Variants in EARS2 observed in about 807,000 individuals in gnomAD.
EARS2 encodes nondiscriminating glutamyl-tRNA synthetase EARS2, mitochondrial.
A neutral mutation model predicts 54.1 loss-of-function variants in EARS2; 50 were observed. The observed-to-expected ratio is 0.92, with a 90% confidence interval of 0.74 to 1.17. The LOEUF (loss-of-function observed/expected upper bound fraction) is 1.17. Ranked by LOEUF, EARS2 falls within the 50% of genes most tolerant of loss-of-function variation. The pLI is 0.00. For missense variants in EARS2, 673 were observed against 675.0 expected (o/e 1.00, Z 0.03); for synonymous variants, 298 against 281.0 (o/e 1.06, Z -0.61).
chr16:23,550,331 C>T (rs997676612), intron 2 of EARS2, among the ~76,000 whole-genome samples: 10 of 149,668 alleles, frequency 6.7e-5, no homozygotes, highest in Admixed American at 2.7e-4. Flanking sequence ...TGAACCACTG[C>T]GCTCTAGCCT....
rs1305423222 is a variant in EARS2 at position 23,524,202 on chromosome 16, G to A, written c.*169C>T. On this transcript the variant is annotated 3_prime_UTR_variant, in exon 9 of 9. Transcript: ENST00000449606. The stretch of plus-strand genomic sequence containing the variant: ...GCTTCCCCAGCCAATTGACAAAAAC[G>A]TGCCTGTGGTGGATCACAAATGCAC... The A allele has an allele frequency of 1.2e-5, 8 of 667,566 alleles. No individual in the cohort carries two copies. Among genetic ancestry groups the A allele is most frequent in the East Asian group, 2.6e-5 (1 of 39,094 alleles). 41.4% of individuals were successfully genotyped at this position (667,566 alleles called of 1,614,324 possible). A position where few individuals can be genotyped will look rare whatever the true frequency, so the allele number is the denominator to read the frequency against.
At chr16:23,556,034 A>G (rs959361990) in intron 1 of EARS2, among the ~76,000 whole-genome samples, 5 of 152,194 alleles carry the variant, frequency 3.3e-5, no homozygotes, top group Admixed American at 1.3e-4. Context: ...TACACAATTG[A>G]TTGGAAATTT....
chr16:23,548,747 C>T (rs1567389398), intron 2 of EARS2, among the ~76,000 whole-genome samples: 1 of 152,166 alleles, frequency 6.6e-6, no homozygotes, highest in African/African-American at 2.4e-5. Flanking sequence ...ACTGTCAAGT[C>T]AGGATAGAGT....
At chr16:23,524,538 T>A (rs1965192303) in intron 8 of EARS2, 84 bp from the exon 9 acceptor site, 1 of 1,232,220 alleles carries the variant, frequency 8.1e-7, no homozygotes, top group Admixed American at 1.7e-5. Context: ...CAGAAATTAT[T>A]CCCAGGCCAG....
chr16:23,556,204 T>C (rs907990576), intron 1 of EARS2, among the ~76,000 whole-genome samples: 2 of 151,830 alleles, frequency 1.3e-5, no homozygotes, highest in South Asian at 2.1e-4. Flanking sequence ...GTAGAGAACG[T>C]AGAAGGTAGC....
Position 23,544,549 on chromosome 16 carries a change from C to T in EARS2, c.450G>A (p.Leu150=), listed in dbSNP as rs776190234. The T allele has an allele frequency of 6.2e-7, 1 of 1,614,094 alleles. No homozygotes were observed. The highest frequency in any genetic ancestry group is 8.5e-7 in the Non-Finnish European group (1 of 1,179,980). ...CFCSPQRLEL[L]KKEALRNHQT... ...GGTGGTTCCGCAAGGCCTCCTTCTTCAGGAGCTCCAGCCGCTGGGGTGAGC... is the reference window on the plus strand; with the variant it reads ...GGTGGTTCCGCAAGGCCTCCTTCTTTAGGAGCTCCAGCCGCTGGGGTGAGC... Residue 150 remains leucine, a synonymous_variant, in exon 3 of 9, where the codon CTG becomes CTA. Transcript: ENST00000449606.
At chr16:23,533,946 C>T (rs899217197) in intron 4 of EARS2, among the ~76,000 whole-genome samples, 2 of 151,840 alleles carry the variant, frequency 1.3e-5, no homozygotes, top group Admixed American at 6.6e-5. Flanking sequence ...ATCCCAGGTA[C>T]TCGGGAGGCT....
At position 23,529,881 on chromosome 16, in the gene EARS2, G is replaced by C. The variant is rs533801104; in HGVS notation, c.1084C>G (p.Leu362Val). 2 of 1,614,114 alleles carry C rather than the reference G, an allele frequency of 1.2e-6. No homozygotes were observed. The highest frequency in any genetic ancestry group is 1.7e-6 in the Non-Finnish European group (2 of 1,180,032). The change falls in exon 6 of 9, where the codon CTG becomes GTG. Residue 362 changes from leucine to valine, a missense_variant. By Grantham distance (32) the Leu-to-Val change is conservative. Coordinates refer to ENST00000449606, the MANE Select transcript of EARS2 (RefSeq NM_001083614.2). ...CGCCTCTGGCTCTCATTGCTCACCA[G>C]CCGCTGGAGGTGCAGTCTGCGGAAG... is the stretch of plus-strand genomic sequence containing the variant. Reference protein sequence around the residue: ...PEFNRLHLQRLVSNESQRRQL... With the variant: ...PEFNRLHLQRVVSNESQRRQL...
Position 23,544,668 on chromosome 16 carries a change from G to T in EARS2, c.331C>A (p.Pro111Thr), listed in dbSNP as rs200994844. The change falls in exon 3 of 9, where the codon CCT (proline) becomes ACT (threonine). Residue 111 changes from proline (P) to threonine (T), a missense_variant. Coordinates refer to ENST00000449606, the MANE Select transcript of EARS2 (RefSeq NM_001083614.2). ...TGAGATTGCTGGTAGGGCCCAGCAG[G>T]ACCGCCCCGGCGGGGGCTCTCATCA... ...PPDESPRRGG[P>T]AGPYQQSQRL... The T allele has an allele frequency of 6.2e-7, 1 of 1,608,554 alleles. No individual in the cohort carries two copies. Among genetic ancestry groups the T allele is most frequent in the Non-Finnish European group, 8.5e-7 (1 of 1,178,380 alleles).
intron 5 of EARS2, among the ~76,000 whole-genome samples, chr16:23,530,990 T>C (rs748832961): frequency 2.4e-4 from 37 of 151,704 alleles, no homozygotes; most frequent in Middle Eastern, 3.4e-3. Context: ...CTCCCAGGTT[T>C]AAGTGATTCT....
chr16:23,556,791 C>A, intron 1 of EARS2: 13 of 434,654 alleles, frequency 3.0e-5, no homozygotes, highest in South Asian at 2.2e-4. Context: ...TCCTGTTTCA[C>A]TTCCCGCATG....
intron 3 of EARS2, chr16:23,537,106 A>T: frequency 3.8e-6 from 1 of 263,164 alleles, no homozygotes. Flanking sequence ...TCTGGCAGGA[A>T]TTCTGACAGT....
At chr16:23,524,972 G>A (rs1965200102) in intron 8 of EARS2, 2 of 583,332 alleles carry the variant, frequency 3.4e-6, no homozygotes, top group Non-Finnish European at 6.0e-6. Flanking sequence ...GTAAGCTGTT[G>A]CTAGGTCTGT....
rs562913476 is a variant in EARS2 at position 23,537,794 on chromosome 16, C to CTTTT, written c.486-2438_486-2435dup. On this transcript the variant is annotated intron_variant, in intron 3 of 8. Transcript: ENST00000449606. ...TCTTTCTTTTCTTTTCTTTTTCTTT[C>CTTTT]TTTTTTTTTTTTTTTGAGTCAGGGT... Among the ~76,000 whole-genome samples, 915 of 137,472 alleles carry CTTTT rather than the reference C, an allele frequency of 6.7e-3. 7 individuals are homozygous for CTTTT. Among genetic ancestry groups the CTTTT allele is most frequent in the Middle Eastern group, 0.03 (8 of 266 alleles). 90.2% of individuals were successfully genotyped at this position (137,472 alleles called of 152,430 possible). A position where few individuals can be genotyped will look rare whatever the true frequency, so the allele number is the denominator to read the frequency against.
At chr16:23,541,196 G>A (rs113894999) in intron 3 of EARS2, among the ~76,000 whole-genome samples, 2,230 of 151,130 alleles carry the variant, frequency 0.015, 23 homozygotes, top group South Asian at 0.02. Context: ...GTGTGGTGGC[G>A]GGCACCTGTA....
Position 23,523,974 on chromosome 16 carries a change from G to A in EARS2, c.*397C>T. 1 of 95,318 alleles carries A rather than the reference G, an allele frequency of 1.0e-5. No individual in the cohort carries two copies. Among genetic ancestry groups the A allele is most frequent in the Non-Finnish European group, 2.4e-5 (1 of 41,476 alleles). 5.9% of individuals were successfully genotyped at this position (95,318 alleles called of 1,614,324 possible). On this transcript the variant is annotated 3_prime_UTR_variant, in exon 9 of 9. Transcript: ENST00000449606. ...TCTTGAACTTCTAGCCTCCAAATGT[G>A]AGAAAATAAATCTCTGTTGTTTAAA...
chr16:23,545,667 G>C (rs1034485787), intron 2 of EARS2, among the ~76,000 whole-genome samples: 2 of 152,124 alleles, frequency 1.3e-5, no homozygotes, highest in Non-Finnish European at 2.9e-5. Context: ...GTGTTACTTA[G>C]CCTTTCTTTT....
At chr16:23,526,965 T>C in intron 7 of EARS2, among the ~76,000 whole-genome samples, 1 of 62,868 alleles carries the variant, frequency 1.6e-5, no homozygotes, top group Non-Finnish European at 4.6e-5. Context: ...TAAAAATAAT[T>C]AATTATTTTT....
chr16:23,548,220 C>G (rs28698925), intron 2 of EARS2, among the ~76,000 whole-genome samples: 2 of 145,100 alleles, frequency 1.4e-5, no homozygotes, highest in Admixed American at 1.4e-4. Context: ...GGCGACAGAG[C>G]GAGACTCCAT....
Sources: gnomAD v4.1 joint callset for allele counts (sites outside exome capture counted in the v4.1 genomes callset) on GRCh38, gnomAD v4.1.1 for gene constraint, MANE v1.5 for transcripts, NCBI Gene and HGNC (gene_info 2026-07-23, HGNC 2026-07-21) for gene names.